BNC2: variants seen among roughly 807,000 people sequenced by gnomAD.
BNC2 encodes basonuclin zinc finger protein 2, also known as zinc finger protein basonuclin-2.
BNC2 carries 20 observed loss-of-function variants against 76.3 expected under a neutral mutation model. That is an observed-to-expected ratio of 0.26 (90% CI 0.18 to 0.38). The LOEUF is 0.38. Among genes scored for constraint, BNC2 ranks in the 10% least tolerant of loss-of-function variants. BNC2 has a pLI of 1.00. For missense variants in BNC2, 1,382 were observed against 1,399.8 expected (o/e 0.99, Z 0.20); for synonymous variants, 582 against 514.8 (o/e 1.13, Z -1.77).
At chr9:16,698,918 T>C (rs1315414164) in intron 3 of BNC2, among the ~76,000 whole-genome samples, 1 of 152,242 alleles carries the variant, frequency 6.6e-6, no homozygotes, top group African/African-American at 2.4e-5. Flanking sequence ...TTTGAGGTTT[T>C]CTTAATCAGA....
chr9:16,463,635 A>C (rs1821637844), intron 5 of BNC2, among the ~76,000 whole-genome samples: 1 of 152,108 alleles, frequency 6.6e-6, no homozygotes, highest in South Asian at 2.1e-4. Context: ...GGTATACTTG[A>C]TGCTATCTCA....
chr9:16,702,431 A>G (rs1016261519), intron 3 of BNC2, among the ~76,000 whole-genome samples: 2 of 152,160 alleles, frequency 1.3e-5, no homozygotes, highest in African/African-American at 2.4e-5. Flanking sequence ...AAAACTGGTA[A>G]CACAGAAATG....
rs1289896598 is a variant in BNC2, at chr9:16,738,499, G to C, written c.4-14C>G. 6.2e-7 allele frequency: 1 copy of C among 1,613,644 alleles called. No individual in the cohort carries two copies. Among genetic ancestry groups the C allele is most frequent in the Non-Finnish European group, 8.5e-7 (1 of 1,179,794 alleles). ...CCCAAGGTGTGCCTATTGAGAGATT[G>C]GGAAAGGAAATTACATATGCCCAGA... On this transcript the variant is annotated splice_polypyrimidine_tract_variant and intron_variant, in intron 1 of 6. Transcript: ENST00000380672.
At chr9:16,770,898 C>A (rs1462323413) in intron 1 of BNC2, among the ~76,000 whole-genome samples, 1 of 151,962 alleles carries the variant, frequency 6.6e-6, no homozygotes, top group African/African-American at 2.4e-5. Context: ...GGGCTGGGCT[C>A]GGTGGCTCAC....
chr9:16,640,276 C>T (rs1487682568), intron 3 of BNC2, among the ~76,000 whole-genome samples: 1 of 152,154 alleles, frequency 6.6e-6, no homozygotes, highest in African/African-American at 2.4e-5. Flanking sequence ...CAGAGAGGGT[C>T]TCAATCTCTC....
intron 2 of BNC2, among the ~76,000 whole-genome samples, chr9:16,733,547 C>A (rs563715776): frequency 6.6e-6 from 1 of 151,442 alleles, no homozygotes; most frequent in Non-Finnish European, 1.5e-5. Context: ...CACCTCCTCC[C>A]GCCCAAAAAA....
chr9:16,616,779 G>GAA (rs1587239438), intron 3 of BNC2, among the ~76,000 whole-genome samples: 5 of 146,432 alleles, frequency 3.4e-5, no homozygotes, highest in East Asian at 4.1e-4. Flanking sequence ...GGGAGGGGAG[G>GAA]GGAGGAAGGA....
chr9:16,615,987 G>A (rs1011496039), intron 3 of BNC2, among the ~76,000 whole-genome samples: 2 of 152,164 alleles, frequency 1.3e-5, no homozygotes, highest in Admixed American at 6.5e-5. Flanking sequence ...CCAAGTCTGA[G>A]AGCTCAATGG....
At chr9:16,640,056 T>C (rs1255342769) in intron 3 of BNC2, among the ~76,000 whole-genome samples, 1 of 151,738 alleles carries the variant, frequency 6.6e-6, no homozygotes, top group Non-Finnish European at 1.5e-5. Context: ...TTCTAAAGAT[T>C]ATAAATAAAA....
chr9:16,659,658 T>C (rs1220405865), intron 3 of BNC2, among the ~76,000 whole-genome samples: 1 of 151,770 alleles, frequency 6.6e-6, no homozygotes, highest in Non-Finnish European at 1.5e-5. Context: ...AGGGTCTTTG[T>C]CATTGTTGTT....
chr9:16,545,387 T>A (rs1221262001), intron 5 of BNC2, among the ~76,000 whole-genome samples: 1 of 152,246 alleles, frequency 6.6e-6, no homozygotes, highest in Non-Finnish European at 1.5e-5. Flanking sequence ...AAGTGCTTTC[T>A]GTGAATCATT....
chr9:16,470,437 A>C (rs2131363581), intron 5 of BNC2, among the ~76,000 whole-genome samples: 1 of 152,350 alleles, frequency 6.6e-6, no homozygotes, highest in African/African-American at 2.4e-5. Context: ...AAGGAGCCTA[A>C]TGTTAATCCC....
intron 4 of BNC2, among the ~76,000 whole-genome samples, chr9:16,573,010 T>C (rs536014625): frequency 6.6e-6 from 1 of 151,962 alleles, no homozygotes; most frequent in Non-Finnish European, 1.5e-5. Flanking sequence ...GGAAGATCAT[T>C]TGCATCTAGG....
At chr9:16,472,330 T>C (rs543921423) in intron 5 of BNC2, among the ~76,000 whole-genome samples, 12 of 152,256 alleles carry the variant, frequency 7.9e-5, no homozygotes, top group African/African-American at 2.2e-4. Context: ...CAGGGGTAAA[T>C]AGAAAAGCTG....
rs924165124 is a variant in BNC2 at position 16,416,864 on chromosome 9, T to C, written c.*2125A>G. The C allele has an allele frequency of 3.3e-5, 5 of 152,528 alleles. No homozygotes were observed. The highest frequency in any genetic ancestry group is 1.2e-4 in the African/African-American group (5 of 41,422). 9.4% of individuals were successfully genotyped at this position (152,528 alleles called of 1,614,324 possible). ...AATAAATACTGTGAGGTACAATAAA[T>C]CCTACAGGAATAATAACAACAGAAA... On this transcript the variant is annotated 3_prime_UTR_variant, in exon 7 of 7. Coordinates refer to ENST00000380672, the MANE Select transcript of BNC2 (RefSeq NM_017637.6).
intron 1 of BNC2, among the ~76,000 whole-genome samples, chr9:16,851,368 T>A (rs898960340): frequency 2.0e-5 from 3 of 150,770 alleles, no homozygotes; most frequent in Admixed American, 6.6e-5. Context: ...TACCCAGGCA[T>A]GATGGCTCAT....
chr9:16,621,646 C>G (rs1465653145), intron 3 of BNC2, among the ~76,000 whole-genome samples: 1 of 152,092 alleles, frequency 6.6e-6, no homozygotes, highest in African/African-American at 2.4e-5. Context: ...AGCTACTACA[C>G]TGCTGTGGTG....
intron 5 of BNC2, among the ~76,000 whole-genome samples, chr9:16,509,952 T>C (rs1291339992): frequency 1.3e-5 from 2 of 152,222 alleles, no homozygotes; most frequent in African/African-American, 4.8e-5. Context: ...GCAAGTATTT[T>C]TGAAGATTCT....
rs954718476 is a variant in BNC2, at chr9:16,842,611, G to C, written c.3+28035C>G. 3.9e-5 allele frequency among the ~76,000 whole-genome samples: 6 copies of C among 152,222 alleles called. 1 individual carries two copies. The highest frequency in any genetic ancestry group is 3.9e-4 in the Admixed American group (6 of 15,280). ...ACTAAAAACCAGTGACTATACACTT[G>C]AAAATGGTGAATTTTATCTCCATTT... is the stretch of plus-strand genomic sequence containing the variant. On this transcript the variant is annotated intron_variant, in intron 1 of 6. Coordinates refer to ENST00000380672, the MANE Select transcript of BNC2 (RefSeq NM_017637.6).
Sources: allele counts gnomAD v4.1 joint callset (sites outside exome capture counted in the v4.1 genomes callset), GRCh38; gene constraint gnomAD v4.1.1; transcripts MANE v1.5; gene names NCBI Gene and HGNC (gene_info 2026-07-23, HGNC 2026-07-21).